The following MBNL3 variants were observed in gnomAD, a reference collection of about 807,000 sequenced individuals.
The protein encoded by MBNL3 is muscleblind like splicing regulator 3.
MBNL3 carries 6 observed loss-of-function variants against 24.5 expected under a neutral mutation model. The ratio of observed to expected loss-of-function variants is 0.25; its 90% CI spans 0.13 to 0.48. The LOEUF is 0.48. Ranked by LOEUF, MBNL3 falls within the 20% of genes least tolerant of loss-of-function variation. The pLI, the probability that MBNL3 is intolerant of heterozygous loss-of-function variation, is 0.99. For missense variants in MBNL3, 230 were observed against 293.5 expected, an observed-to-expected ratio of 0.78 and a Z score of 1.58; for synonymous variants, 100 against 101.7, an observed-to-expected ratio of 0.98 and a Z score of 0.10.
chrX:132,446,632 C>G lies in MBNL3; in HGVS notation c.-703-6318G>C, dbSNP rs1203699756. Among the ~76,000 whole-genome samples the G allele has an allele frequency of 1.2e-4, 13 of 111,731 alleles. No homozygotes were observed. The Admixed American group carries it at 1.2e-3, about 11-fold the overall frequency. ...TTTTTCTTGTAAATTTGTTTAAGTTCCTTGTAGATTCTGGATATTAGCCCT... is the reference window on the plus strand; with the variant it reads ...TTTTTCTTGTAAATTTGTTTAAGTTGCTTGTAGATTCTGGATATTAGCCCT... On this transcript the variant is annotated intron_variant, in intron 1 of 8. Transcript: ENST00000370853.
Position 132,369,744 on chromosome X carries a change from A to G in MBNL3, c.*9922T>C, listed in dbSNP as rs1203475650. On this transcript the variant is annotated 3_prime_UTR_variant, in exon 9 of 9. Coordinates refer to ENST00000370853, the MANE Select transcript of MBNL3 (RefSeq NM_001386889.1). ...AATAAATCTTTCCTTGTACTTGTACATGCCTGCATTGCATTGCATCACTTA... is the reference window on the plus strand; with the variant it reads ...AATAAATCTTTCCTTGTACTTGTACGTGCCTGCATTGCATTGCATCACTTA... 2 of 112,016 alleles carry G rather than the reference A, an allele frequency of 1.8e-5. No individual in the cohort carries two copies. Among genetic ancestry groups the G allele is most frequent in the African/African-American group, 6.5e-5 (2 of 30,768 alleles). The allele number at this position is 112,016 out of a possible 1,213,427, so 9.2% of individuals were successfully genotyped here.
At chrX:132,403,314 T>C (rs1213793039) in intron 3 of MBNL3, among the ~76,000 whole-genome samples, 1 of 111,761 alleles carries the variant, frequency 8.9e-6, no homozygotes, top group African/African-American at 3.3e-5. Flanking sequence ...TTTGTACACA[T>C]AATAACTGCA....
chrX:132,407,151 T>C (rs1179070650), intron 2 of MBNL3, among the ~76,000 whole-genome samples: 1 of 112,455 alleles, frequency 8.9e-6, no homozygotes, highest in Non-Finnish European at 1.9e-5. Flanking sequence ...TTATGATGCC[T>C]ACACAGTTTA....
intron 1 of MBNL3, among the ~76,000 whole-genome samples, chrX:132,477,397 C>CT (rs752056325): frequency 1.3e-3 from 142 of 112,362 alleles, no homozygotes; most frequent in African/African-American, 4.0e-3. Context: ...ATTTAAATAT[C>CT]TATAAAGCCT....
In MBNL3 at chrX:132,477,932, G is replaced by A. The variant is rs771887320; in HGVS notation, c.-704+10919C>T. Among the ~76,000 whole-genome samples, 417 of 111,201 alleles carry A rather than the reference G, an allele frequency of 3.7e-3. 2 individuals are homozygous for A. Among genetic ancestry groups the A allele is most frequent in the African/African-American group, 0.013 (394 of 30,588 alleles). On this transcript the variant is annotated intron_variant, in intron 1 of 8. Coordinates refer to ENST00000370853, the MANE Select transcript of MBNL3 (RefSeq NM_001386889.1). ...ATTTTAAAGTGTGCCTTTGTTCACC[G>A]CAGAAAAAATAGACACCCACAGGTT...
intron 2 of MBNL3, chrX:132,429,805 C>A (rs1944590500): frequency 1.8e-5 from 2 of 111,888 alleles, no homozygotes. Flanking sequence ...TTTCCTTCTT[C>A]TCCACAGGAA....
intron 2 of MBNL3, among the ~76,000 whole-genome samples, chrX:132,414,965 C>T (rs1023522225): frequency 5.4e-5 from 6 of 111,699 alleles, no homozygotes; most frequent in Non-Finnish European, 1.1e-4. Flanking sequence ...CCACAATCAC[C>T]TTCCCAACAC....
intron 3 of MBNL3, among the ~76,000 whole-genome samples, chrX:132,396,907 C>CAT (rs1482585871): frequency 5.2e-5 from 3 of 57,475 alleles, no homozygotes; most frequent in Admixed American, 2.6e-4. Flanking sequence ...TTCATATATA[C>CAT]ATATATACAT....
At chrX:132,485,936 T>C (rs971162150) in intron 1 of MBNL3, among the ~76,000 whole-genome samples, 3 of 112,298 alleles carry the variant, frequency 2.7e-5, no homozygotes, top group Non-Finnish European at 5.6e-5. Context: ...GACAATGTCA[T>C]AAGAAAACTC....
chrX:132,374,605 T>G lies in MBNL3; in HGVS notation c.*5061A>C, dbSNP rs1052204556. 9.0e-6 allele frequency: 1 copy of G among 111,311 alleles called. No homozygotes were observed. The highest frequency in any genetic ancestry group is 3.3e-5 in the African/African-American group (1 of 30,674). The allele number at this position is 111,311 out of a possible 1,213,427, so 9.2% of individuals were successfully genotyped here. A position where few individuals can be genotyped will look rare whatever the true frequency, so the allele number is the denominator to read the frequency against. ...CCACTATTATCACAGACTTCTTACA[T>G]TTAAAAAAAGCTCCAAGGATTGCTT... On this transcript the variant is annotated 3_prime_UTR_variant, in exon 9 of 9. Transcript: ENST00000370853.
intron 1 of MBNL3, among the ~76,000 whole-genome samples, chrX:132,454,070 C>A (rs1946251456): frequency 9.0e-6 from 1 of 111,421 alleles, no homozygotes; most frequent in African/African-American, 3.3e-5. Flanking sequence ...CTAGCCTGGG[C>A]AACAGAGGGA....
rs1045755366 is a variant in MBNL3, at chrX:132,371,285, C to T, written c.*8381G>A. On this transcript the variant is annotated 3_prime_UTR_variant, in exon 9 of 9. Coordinates refer to ENST00000370853, the MANE Select transcript of MBNL3 (RefSeq NM_001386889.1). ...CAGTAATACTTTGCTCTGCCATAGC[C>T]TCTGATCTAAACTCTCTTCACCGCA... is the stretch of plus-strand genomic sequence containing the variant. 8.9e-6 allele frequency: 1 copy of T among 111,820 alleles called. No homozygotes were observed. The highest frequency in any genetic ancestry group is 1.9e-5 in the Non-Finnish European group (1 of 53,127). The allele number at this position is 111,820 out of a possible 1,213,427, so 9.2% of individuals were successfully genotyped here.
At chrX:132,456,830 A>G (rs921004698) in intron 1 of MBNL3, among the ~76,000 whole-genome samples, 1 of 111,904 alleles carries the variant, frequency 8.9e-6, no homozygotes, top group Non-Finnish European at 1.9e-5. Context: ...TGAATTGCTT[A>G]TAATTTGGAA....
intron 1 of MBNL3, 26 bp downstream of exon 1, chrX:132,488,825 A>G (rs1038028934): frequency 8.8e-6 from 1 of 113,243 alleles, no homozygotes; most frequent in Non-Finnish European, 1.9e-5. Context: ...CCTCTCTTAC[A>G]AATCCCAATT....
At chrX:132,444,149 T>C (rs1945569371) in intron 1 of MBNL3, among the ~76,000 whole-genome samples, 1 of 110,456 alleles carries the variant, frequency 9.1e-6, no homozygotes, top group Admixed American at 9.7e-5. Context: ...TTGCTCAGCA[T>C]TGCTGGCTCT....
intron 3 of MBNL3, among the ~76,000 whole-genome samples, chrX:132,396,452 CTA>C (rs1231418193): frequency 5.8e-4 from 39 of 67,027 alleles, no homozygotes; most frequent in African/African-American, 2.2e-3. Context: ...ATATATATTC[CTA>C]TATATATATT....
At chrX:132,479,753 G>A (rs1193526610) in intron 1 of MBNL3, among the ~76,000 whole-genome samples, 1 of 111,533 alleles carries the variant, frequency 9.0e-6, no homozygotes, top group African/African-American at 3.3e-5. Context: ...AAATGCAGGT[G>A]TCTGGCCATC....
chrX:132,381,905 A>T (rs1935030031), intron 8 of MBNL3, among the ~76,000 whole-genome samples: 1 of 112,102 alleles, frequency 8.9e-6, no homozygotes, highest in South Asian at 3.7e-4. Context: ...AAGTATATAC[A>T]TTTGAGGATT....
chrX:132,424,846 T>C (rs1393562190), intron 2 of MBNL3, among the ~76,000 whole-genome samples: 4 of 109,495 alleles, frequency 3.7e-5, no homozygotes, highest in Non-Finnish European at 7.6e-5. Flanking sequence ...TTTTTAAAGG[T>C]ATTTCTTTAG....
Sources: allele counts gnomAD v4.1 joint callset (sites outside exome capture counted in the v4.1 genomes callset), GRCh38; gene constraint gnomAD v4.1.1; transcripts MANE v1.5; gene names NCBI Gene and HGNC (gene_info 2026-07-23, HGNC 2026-07-21).